The following OR2V2 variants were observed in gnomAD, a reference collection of about 807,000 sequenced individuals.
The protein encoded by OR2V2 is olfactory receptor 2V2.
For synonymous variants in OR2V2, 161 were observed against 151.3 expected (o/e 1.06, Z -0.47); for missense variants, 392 against 392.2 (o/e 1.00, Z 0.00).
chr5:181,151,112 G>A (rs1763186103), intron 1 of OR2V2, among the ~76,000 whole-genome samples: 1 of 152,198 alleles, frequency 6.6e-6, no homozygotes, highest in Non-Finnish European at 1.5e-5. Flanking sequence ...GACACGTGGG[G>A]GAGACCTGAA....
intron 1 of OR2V2, 146 bp from the exon 2 acceptor site, chr5:181,154,773 G>C: frequency 1.6e-6 from 1 of 615,622 alleles, no homozygotes; most frequent in South Asian, 1.9e-5. Flanking sequence ...CTGTGTTAGG[G>C]AGATATGGAG....
chr5:181,148,471 T>G (rs1180737987), intron 1 of OR2V2, among the ~76,000 whole-genome samples: 1 of 152,158 alleles, frequency 6.6e-6, no homozygotes, highest in Non-Finnish European at 1.5e-5. Context: ...GTAAAGCCAT[T>G]AGCTAAACAC....
At position 181,155,665 on chromosome 5, in the gene OR2V2, C is replaced by T. The variant is rs1763254803; in HGVS notation, c.723C>T (p.Thr241=). The change falls in exon 2 of 2, where the codon ACC becomes ACT. Residue 241 remains threonine (T), a synonymous_variant. Transcript: ENST00000641492. ...SAQAWKKALA[T]CSSHLTAVTL... ...AGGCCTGGAAAAAGGCCCTGGCCAC[C>T]TGCTCCTCCCACCTGACAGCTGTCA... is the stretch of plus-strand genomic sequence containing the variant. 6.2e-7 allele frequency: 1 copy of T among 1,614,218 alleles called. No homozygotes were observed. The highest frequency in any genetic ancestry group is 8.5e-7 in the Non-Finnish European group (1 of 1,180,038).
chr5:181,151,624 C>A (rs1434008068), intron 1 of OR2V2, among the ~76,000 whole-genome samples: 1 of 152,040 alleles, frequency 6.6e-6, no homozygotes, highest in Non-Finnish European at 1.5e-5. Flanking sequence ...TTTTGTAGGG[C>A]GCGCAGCTGA....
At position 181,155,934 on chromosome 5, in the gene OR2V2, G is replaced by A; in HGVS notation, c.*44G>A. On this transcript the variant is annotated 3_prime_UTR_variant, in exon 2 of 2. Transcript: ENST00000641492. ...CTGGCTCTGCCATCTCTTAGCTCCA[G>A]GGATGTCGGGTTAATAATTCTCTCA... 1.3e-6 allele frequency: 2 copies of A among 1,521,836 alleles called. No individual in the cohort carries two copies. Among genetic ancestry groups the A allele is most frequent in the Non-Finnish European group, 1.8e-6 (2 of 1,120,088 alleles). 94.3% of individuals were successfully genotyped at this position (1,521,836 alleles called of 1,614,324 possible).
intron 1 of OR2V2, among the ~76,000 whole-genome samples, chr5:181,154,708 A>G (rs1392211485): frequency 6.6e-6 from 1 of 152,110 alleles, no homozygotes; most frequent in Non-Finnish European, 1.5e-5. Flanking sequence ...TGTGGTAAGG[A>G]TACATACAGC....
At chr5:181,150,306 G>T (rs145236525) in intron 1 of OR2V2, among the ~76,000 whole-genome samples, 1 of 152,316 alleles carries the variant, frequency 6.6e-6, no homozygotes, top group Non-Finnish European at 1.5e-5. Context: ...AACATGTCCT[G>T]TGGAATGGCC....
At chr5:181,150,199 C>T (rs777482307) in intron 1 of OR2V2, among the ~76,000 whole-genome samples, 6 of 152,308 alleles carry the variant, frequency 3.9e-5, no homozygotes, top group African/African-American at 7.2e-5. Context: ...GGACGTGCTC[C>T]GCTCTGTGGA....
chr5:181,151,197 C>T (rs996588131), intron 1 of OR2V2, among the ~76,000 whole-genome samples: 6 of 152,046 alleles, frequency 3.9e-5, no homozygotes, highest in Non-Finnish European at 5.9e-5. Context: ...ATGCATCTGG[C>T]GTGCTCCAGG....
At chr5:181,149,587 T>C (rs1371786822) in intron 1 of OR2V2, among the ~76,000 whole-genome samples, 4 of 152,184 alleles carry the variant, frequency 2.6e-5, no homozygotes, top group African/African-American at 9.7e-5. Flanking sequence ...CTGCAGAACC[T>C]GTCCTGGAAG....
Position 181,156,011 on chromosome 5 carries a change from T to C in OR2V2, c.*121T>C. On this transcript the variant is annotated 3_prime_UTR_variant, in exon 2 of 2. Coordinates refer to ENST00000641492, the MANE Select transcript of OR2V2 (RefSeq NM_206880.2). ...TATGATGATTGTGACACCCTCAGAC[T>C]TGGAAGGTCTTTTTAAACACTACAT... The C allele has an allele frequency of 1.2e-6, 1 of 822,132 alleles. No homozygotes were observed. The highest frequency in any genetic ancestry group is 1.8e-6 in the Non-Finnish European group (1 of 544,066). The allele number at this position is 822,132 out of a possible 1,614,324, so 50.9% of individuals were successfully genotyped here. A position where few individuals can be genotyped will look rare whatever the true frequency, so the allele number is the denominator to read the frequency against.
In OR2V2 at chr5:181,155,664, C is replaced by T; in HGVS notation, c.722C>T (p.Thr241Ile). 2.5e-6 allele frequency: 4 copies of T among 1,614,238 alleles called. No homozygotes were observed. The highest frequency in any genetic ancestry group is 3.4e-6 in the Non-Finnish European group (4 of 1,180,046). The change falls in exon 2 of 2, where the codon ACC (threonine) becomes ATC (isoleucine). Residue 241 changes from threonine (T) to isoleucine (I), a missense_variant. Transcript: ENST00000641492. ...SAQAWKKALA[T>I]CSSHLTAVTL... Reference sequence around the variant, plus strand: ...CAGGCCTGGAAAAAGGCCCTGGCCACCTGCTCCTCCCACCTGACAGCTGTC... The same window carrying T: ...CAGGCCTGGAAAAAGGCCCTGGCCATCTGCTCCTCCCACCTGACAGCTGTC...
At chr5:181,152,602 G>A (rs1763206628) in intron 1 of OR2V2, among the ~76,000 whole-genome samples, 2 of 152,354 alleles carry the variant, frequency 1.3e-5, no homozygotes, top group South Asian at 4.1e-4. Flanking sequence ...TGCATTTCCG[G>A]ACATGCTGAA....
chr5:181,150,231 C>T (rs1240576241), intron 1 of OR2V2, among the ~76,000 whole-genome samples: 2 of 152,218 alleles, frequency 1.3e-5, no homozygotes, highest in Admixed American at 6.5e-5. Flanking sequence ...GTGGCTAAAT[C>T]CAAGGCTCTG....
chr5:181,152,015 G>T (rs1237112454), intron 1 of OR2V2, among the ~76,000 whole-genome samples: 12 of 151,742 alleles, frequency 7.9e-5, no homozygotes, highest in African/African-American at 2.9e-4. Flanking sequence ...AAGGCTTTGG[G>T]TTTATCCGTC....
chr5:181,151,638 A>T (rs958962705), intron 1 of OR2V2, among the ~76,000 whole-genome samples: 1 of 152,134 alleles, frequency 6.6e-6, no homozygotes, highest in Non-Finnish European at 1.5e-5. Context: ...CAGCTGAAAA[A>T]TACTGCTTGG....
chr5:181,153,356 T>C (rs1763216476), intron 1 of OR2V2, among the ~76,000 whole-genome samples: 1 of 152,210 alleles, frequency 6.6e-6, no homozygotes, highest in South Asian at 2.1e-4. Flanking sequence ...TAAAATCATA[T>C]CATGTCTCTG....
chr5:181,155,144 T>A lies in OR2V2; in HGVS notation c.202T>A (p.Ser68Thr). The A allele has an allele frequency of 6.2e-7, 1 of 1,614,172 alleles. No homozygotes were observed. The highest frequency in any genetic ancestry group is 1.7e-5 in the Admixed American group (1 of 60,020). Residue 68 changes from serine to threonine, a missense_variant, in exon 2 of 2, where the codon TCC becomes ACC. Ser to Thr is a moderately conservative substitution (Grantham distance 58). Coordinates refer to ENST00000641492, the MANE Select transcript of OR2V2 (RefSeq NM_206880.2). ...CATGTACTTCTTCCTCAGCCAGCTCTCCCTCATGGACCTCATGTTGGTCTG... is the reference window on the plus strand; with the variant it reads ...CATGTACTTCTTCCTCAGCCAGCTCACCCTCATGGACCTCATGTTGGTCTG... The part of the protein sequence containing the change: ...TPMYFFLSQL[S>T]LMDLMLVCTN...
rs1763295368 is a variant in OR2V2 at position 181,158,481 on chromosome 5, A to T, written c.*2591A>T. On this transcript the variant is annotated 3_prime_UTR_variant, in exon 2 of 2. Transcript: ENST00000641492. ...ACCCCATCTCTACAAAAAGTACAAA[A>T]ATCAGCCGGGCGTGGTTACTTGGGA... The T allele has an allele frequency of 6.6e-6, 1 of 151,814 alleles. No individual in the cohort carries two copies. Among genetic ancestry groups the T allele is most frequent in the East Asian group, 1.9e-4 (1 of 5,164 alleles). The allele number at this position is 151,814 out of a possible 1,614,324, so 9.4% of individuals were successfully genotyped here.
Sources: allele counts gnomAD v4.1 joint callset (sites outside exome capture counted in the v4.1 genomes callset), GRCh38; gene constraint gnomAD v4.1.1; transcripts MANE v1.5; gene names NCBI Gene and HGNC (gene_info 2026-07-23, HGNC 2026-07-21).